The following CDC42 variants were observed in gnomAD, a reference collection of about 807,000 sequenced individuals.
The protein encoded by CDC42 is cell division cycle 42.
Under a neutral mutation model 20.8 loss-of-function variants are expected in CDC42, and 1 was observed. The observed-to-expected ratio is 0.05, with a 90% CI of 0.02 to 0.23. The LOEUF (loss-of-function observed/expected upper bound fraction) is 0.23, where lower values mean the gene tolerates loss of function less well. Among genes scored for constraint, CDC42 ranks in the 10% least tolerant of loss-of-function variants. CDC42 has a pLI of 1.00. For missense variants in CDC42, 49 were observed against 227.9 expected (o/e 0.21, Z 5.05); for synonymous variants, 72 against 84.8 (o/e 0.85, Z 0.83).
At position 22,061,528 on chromosome 1, in the gene CDC42, C is replaced by CTTTTTTTTTTTTTTTTTTTTTTTTT; in HGVS notation, c.-51+8789_-51+8790insTTTTTTTTTTTTTTTTTTTTTTTTT. 2.3e-5 allele frequency among the ~76,000 whole-genome samples: 2 copies of CTTTTTTTTTTTTTTTTTTTTTTTTT among 86,306 alleles called. 1 individual carries two copies. Among genetic ancestry groups the CTTTTTTTTTTTTTTTTTTTTTTTTT allele is most frequent in the Non-Finnish European group, 4.4e-5 (2 of 45,674 alleles). 56.6% of individuals were successfully genotyped at this position (86,306 alleles called of 152,430 possible). ...GGTCAATCAGTTTAACTTCATGTTT[C>CTTTTTTTTTTTTTTTTTTTTTTTTT]TTTCTTTTTTTTTTTTTTTTTTTTT... On this transcript the variant is annotated intron_variant, in intron 1 of 5. Coordinates refer to ENST00000656825, the MANE Select transcript of CDC42 (RefSeq NM_001791.4).
chr1:22,069,492 C>T (rs1388206526), intron 1 of CDC42, among the ~76,000 whole-genome samples: 1 of 148,106 alleles, frequency 6.8e-6, no homozygotes, highest in Non-Finnish European at 1.5e-5. Flanking sequence ...GGGTCTTGTT[C>T]TCTTACCCAG....
chr1:22,088,846 G>A lies in CDC42; in HGVS notation c.486+1980G>A, dbSNP rs543313781. On this transcript the variant is annotated intron_variant, in intron 5 of 5. Coordinates refer to ENST00000656825, the MANE Select transcript of CDC42 (RefSeq NM_001791.4). ...ATTGCAGTGGAATTTTAACTTTTAT[G>A]TGGCATTTCTACTTTGTAAATGATG... 2.6e-5 allele frequency among the ~76,000 whole-genome samples: 4 copies of A among 152,252 alleles called. No homozygotes were observed. The South Asian group carries it at 6.2e-4, about 24-fold the overall frequency.
chr1:22,067,194 A>G (rs568187310), intron 1 of CDC42, among the ~76,000 whole-genome samples: 10 of 152,310 alleles, frequency 6.6e-5, no homozygotes, highest in Admixed American at 3.3e-4. Context: ...TAACAATACC[A>G]TAGACTGGGT....
chr1:22,052,871 T>C (rs1645250762), intron 1 of CDC42, 129 bp downstream of exon 1: 1 of 151,824 alleles, frequency 6.6e-6, no homozygotes, highest in Non-Finnish European at 1.5e-5. Flanking sequence ...GAGCACGGGT[T>C]GTGGGGGAGT....
chr1:22,098,218 C>A lies in CDC42; in HGVS notation c.*6701C>A, dbSNP rs1645769587. On this transcript the variant is annotated 3_prime_UTR_variant, in exon 6 of 6. Transcript: ENST00000656825. ...TTGCATTATTACTCCTAACAACGTG[C>A]CCTTTGGCAGGTAGCTTCCACTTTT... is the stretch of plus-strand genomic sequence containing the variant. Among the ~76,000 whole-genome samples, 1 of 152,162 alleles carries A rather than the reference C, an allele frequency of 6.6e-6. No individual in the cohort carries two copies. Among genetic ancestry groups the A allele is most frequent in the African/African-American group, 2.4e-5 (1 of 41,432 alleles).
chr1:22,073,794 C>T (rs1645518512), intron 1 of CDC42, among the ~76,000 whole-genome samples: 2 of 149,276 alleles, frequency 1.3e-5, no homozygotes, highest in South Asian at 2.2e-4. Flanking sequence ...ACTGGGACTA[C>T]AGGTGTGTGC....
chr1:22,052,954 G>T (rs1401192621), intron 1 of CDC42: 1 of 151,794 alleles, frequency 6.6e-6, no homozygotes, highest in East Asian at 1.9e-4. Context: ...GGGGGTCGCG[G>T]CCGGGGAGGC....
intron 5 of CDC42, 75 bp downstream of exon 5, chr1:22,086,941 T>C: frequency 8.1e-7 from 1 of 1,239,336 alleles, no homozygotes; most frequent in Non-Finnish European, 1.2e-6. Flanking sequence ...AGGAGTTATT[T>C]CTAACAGTGA....
rs1048567373 is a variant in CDC42 at position 22,098,400 on chromosome 1, A to G, written c.*6883A>G. The stretch of plus-strand genomic sequence containing the variant: ...AGTATGCAATGGGACCTGAGAATCA[A>G]TCTAATTTCTAAAAGATTCCCAGAT... On this transcript the variant is annotated 3_prime_UTR_variant, in exon 6 of 6. Coordinates refer to ENST00000656825, the MANE Select transcript of CDC42 (RefSeq NM_001791.4). 6.6e-6 allele frequency among the ~76,000 whole-genome samples: 1 copy of G among 152,236 alleles called. No individual in the cohort carries two copies. The highest frequency in any genetic ancestry group is 1.5e-5 in the Non-Finnish European group (1 of 68,046).
chr1:22,056,360 T>G (rs1286880517), intron 1 of CDC42, among the ~76,000 whole-genome samples: 1 of 152,250 alleles, frequency 6.6e-6, no homozygotes, highest in Non-Finnish European at 1.5e-5. Flanking sequence ...CTTCTGCAGC[T>G]GCACTGTCTG....
chr1:22,095,317 T>G lies in CDC42; in HGVS notation c.*3800T>G, dbSNP rs900018834. Reference sequence around the variant, plus strand: ...TGGAGTCTCGTTCTGTCGCCCAGGCTGGAGTGCAGTGGTGCAATCTCGGCT... The same window carrying G: ...TGGAGTCTCGTTCTGTCGCCCAGGCGGGAGTGCAGTGGTGCAATCTCGGCT... On this transcript the variant is annotated 3_prime_UTR_variant, in exon 6 of 6. Transcript: ENST00000656825. Among the ~76,000 whole-genome samples, 5 of 152,164 alleles carry G rather than the reference T, an allele frequency of 3.3e-5. No individual in the cohort carries two copies. The highest frequency in any genetic ancestry group is 5.9e-5 in the Non-Finnish European group (4 of 68,030).
Position 22,098,810 on chromosome 1 carries a change from G to A in CDC42, c.*7293G>A, listed in dbSNP as rs1645772842. ...GTCTCACTCTGTCACCCAGGCTGGA[G>A]TGCAGTGTCGTGGTCTTGGGTCACT... On this transcript the variant is annotated 3_prime_UTR_variant, in exon 6 of 6. Coordinates refer to ENST00000656825, the MANE Select transcript of CDC42 (RefSeq NM_001791.4). Among the ~76,000 whole-genome samples the A allele has an allele frequency of 6.6e-6, 1 of 152,132 alleles. No homozygotes were observed. The highest frequency in any genetic ancestry group is 6.5e-5 in the Admixed American group (1 of 15,280).
At chr1:22,054,909 ATATATATATATATTTTTTTTTTTTTTTTT>A (rs1645281366) in intron 1 of CDC42, among the ~76,000 whole-genome samples, 4 of 12,750 alleles carry the variant, frequency 3.1e-4, no homozygotes, top group African/African-American at 6.8e-4. Context: ...ATATATATAT[ATATATATATATATTTTTTTTTTTTTTTTT>A]TTTTTTTTTT....
At position 22,094,353 on chromosome 1, in the gene CDC42, A is replaced by G. The variant is rs1645742240; in HGVS notation, c.*2836A>G. Among the ~76,000 whole-genome samples, 1 of 98,278 alleles carries G rather than the reference A, an allele frequency of 1.0e-5. No homozygotes were observed. Among genetic ancestry groups the G allele is most frequent in the African/African-American group, 4.3e-5 (1 of 23,204 alleles). 64.5% of individuals were successfully genotyped at this position (98,278 alleles called of 152,430 possible). On this transcript the variant is annotated 3_prime_UTR_variant, in exon 6 of 6. Coordinates refer to ENST00000656825, the MANE Select transcript of CDC42 (RefSeq NM_001791.4). ...CGCTCTGTCGCCCAGGCTGGAGTGC[A>G]GTGGCGCGATCTCGGCTCACTGCAA...
intron 3 of CDC42, among the ~76,000 whole-genome samples, chr1:22,082,390 T>C (rs1408575541): frequency 6.6e-6 from 1 of 152,232 alleles, no homozygotes; most frequent in Non-Finnish European, 1.5e-5. Flanking sequence ...CTGCTCACAG[T>C]ATTGACATTT....
intron 1 of CDC42, among the ~76,000 whole-genome samples, chr1:22,072,050 G>A (rs562183126): frequency 1.4e-5 from 2 of 147,142 alleles, no homozygotes; most frequent in African/African-American, 2.5e-5. Flanking sequence ...TTGATTATTA[G>A]CTAGAACAAC....
Position 22,100,980 on chromosome 1 carries a change from T to C in CDC42, c.*9463T>C, listed in dbSNP as rs1320707097. 3 of 152,232 alleles carry C rather than the reference T, an allele frequency of 2.0e-5. No individual in the cohort carries two copies. The highest frequency in any genetic ancestry group is 7.2e-5 in the African/African-American group (3 of 41,452). The allele number at this position is 152,232 out of a possible 1,614,324, so 9.4% of individuals were successfully genotyped here. ...GGATTTCACAATTGTATTGGAATTATTGGTGTTAAGGAGTTAGGTCCATCT... is the reference window on the plus strand; with the variant it reads ...GGATTTCACAATTGTATTGGAATTACTGGTGTTAAGGAGTTAGGTCCATCT... On this transcript the variant is annotated 3_prime_UTR_variant, in exon 6 of 6. Transcript: ENST00000656825.
intron 1 of CDC42, among the ~76,000 whole-genome samples, chr1:22,069,170 C>CTTTTT (rs71724070): frequency 4.9e-5 from 4 of 80,808 alleles, no homozygotes; most frequent in African/African-American, 1.0e-4. Context: ...CATTTTATTC[C>CTTTTT]TTTTTTTTTT....
rs1386061179 is a variant in CDC42 at position 22,095,549 on chromosome 1, G to A, written c.*4032G>A. Among the ~76,000 whole-genome samples the A allele has an allele frequency of 1.3e-5, 2 of 152,106 alleles. No homozygotes were observed. Among genetic ancestry groups the A allele is most frequent in the Admixed American group, 6.5e-5 (1 of 15,278 alleles). On this transcript the variant is annotated 3_prime_UTR_variant, in exon 6 of 6. Transcript: ENST00000656825. Reference sequence around the variant, plus strand: ...CTCCCAAAGTGCTAGGATTACAGGCGTGAGCCACCGCGCCTGGCCAGAATG... The same window carrying A: ...CTCCCAAAGTGCTAGGATTACAGGCATGAGCCACCGCGCCTGGCCAGAATG...
Sources: allele counts gnomAD v4.1 joint callset (sites outside exome capture counted in the v4.1 genomes callset), GRCh38; gene constraint gnomAD v4.1.1; transcripts MANE v1.5; gene names NCBI Gene and HGNC (gene_info 2026-07-23, HGNC 2026-07-21).